Variants in TOMM20 observed in about 807,000 individuals in gnomAD.
The protein encoded by TOMM20 is mitochondrial import receptor subunit TOM20 homolog.
TOMM20 carries 10 observed loss-of-function variants against 22.1 expected under a neutral mutation model. That is an observed-to-expected ratio of 0.45 (90% CI 0.28 to 0.77). The LOEUF (loss-of-function observed/expected upper bound fraction) is 0.77. Among genes scored for constraint, TOMM20 ranks in the 30% least tolerant of loss-of-function variants. TOMM20 has a pLI of 0.13. For synonymous variants in TOMM20, 55 were observed against 61.4 expected (o/e 0.90, Z 0.49); for missense variants, 121 against 172.2 (o/e 0.70, Z 1.66).
chr1:235,125,371 T>G (rs1017178031), intron 1 of TOMM20, among the ~76,000 whole-genome samples: 25 of 152,108 alleles, frequency 1.6e-4, no homozygotes, highest in African/African-American at 5.8e-4. Flanking sequence ...CCCGCCACCA[T>G]GCCCGGCTAA....
At position 235,128,578 on chromosome 1, in the gene TOMM20, A is replaced by G; in HGVS notation, c.121+17T>C. On this transcript the variant is annotated intron_variant, in intron 1 of 4. Transcript: ENST00000366607. ...CGAAGGCAGCAAGCCTGGCCAGGGG[A>G]GAGAGGACCCACTCACGTTCTCGAA... 1 of 1,611,860 alleles carries G rather than the reference A, an allele frequency of 6.2e-7. No homozygotes were observed. The highest frequency in any genetic ancestry group is 8.5e-7 in the Non-Finnish European group (1 of 1,179,790).
intron 4 of TOMM20, 137 bp downstream of exon 4, chr1:235,113,631 C>A (rs926348214): frequency 8.9e-7 from 1 of 1,117,856 alleles, no homozygotes; most frequent in Non-Finnish European, 1.2e-6. Context: ...AAATGTCAAG[C>A]GCTGATATCT....
At chr1:235,122,297 T>C (rs757391279) in intron 2 of TOMM20, 29 bp downstream of exon 2, 15 of 1,465,230 alleles carry the variant, frequency 1.0e-5, no homozygotes, top group South Asian at 7.8e-5. Context: ...CTACAAAATA[T>C]ATAATTTAAA....
intron 1 of TOMM20, among the ~76,000 whole-genome samples, chr1:235,126,657 G>A (rs1661027787): frequency 6.6e-6 from 1 of 151,798 alleles, no homozygotes; most frequent in Non-Finnish European, 1.5e-5. Flanking sequence ...ACAAAAATTA[G>A]CCTGGCATGG....
chr1:235,117,059 A>T (rs1162921295), intron 3 of TOMM20, among the ~76,000 whole-genome samples: 1 of 137,574 alleles, frequency 7.3e-6, no homozygotes, highest in Non-Finnish European at 1.5e-5. Flanking sequence ...GACATGAACC[A>T]GGGAGGCAGA....
chr1:235,121,901 T>C (rs1019826583), intron 2 of TOMM20, among the ~76,000 whole-genome samples: 1 of 152,202 alleles, frequency 6.6e-6, no homozygotes, highest in Admixed American at 6.5e-5. Context: ...AGTGGGATTC[T>C]GGATCAGTGG....
intron 3 of TOMM20, among the ~76,000 whole-genome samples, chr1:235,117,889 T>TAG (rs760078103): frequency 1.3e-5 from 2 of 152,192 alleles, no homozygotes; most frequent in Admixed American, 1.3e-4. Context: ...TCCAATTGTG[T>TAG]AGGTCATTGT....
chr1:235,124,117 C>T (rs551849300), intron 1 of TOMM20, among the ~76,000 whole-genome samples: 6 of 152,220 alleles, frequency 3.9e-5, no homozygotes, highest in Admixed American at 6.5e-5. Context: ...GAGGCCAAGG[C>T]GGGCGGATCA....
chr1:235,117,099 C>T (rs1013765952), intron 3 of TOMM20, among the ~76,000 whole-genome samples: 1 of 128,890 alleles, frequency 7.8e-6, no homozygotes, highest in African/African-American at 3.0e-5. Flanking sequence ...CGCGCCACTG[C>T]ACTCCAGCCT....
intron 1 of TOMM20, chr1:235,127,981 G>A (rs764972853): frequency 1.8e-5 from 9 of 490,754 alleles, no homozygotes; most frequent in Middle Eastern, 7.5e-4. Flanking sequence ...TTCGAGACTA[G>A]CCTGACCAAC....
Position 235,128,628 on chromosome 1 carries a change from T to G in TOMM20, c.88A>C (p.Ser30Arg). 6.2e-7 allele frequency: 1 copy of G among 1,613,498 alleles called. No individual in the cohort carries two copies. The highest frequency in any genetic ancestry group is 1.1e-5 in the South Asian group (1 of 91,056). ...YCIYFDRKRRSDPNFKNRLRE... is the reference protein window; with the variant it reads ...YCIYFDRKRRRDPNFKNRLRE... ...AGCCTGTTCTTGAAGTTGGGGTCAC[T>G]TCGTCTTTTGCGGTCGAAGTAGATG... is the stretch of plus-strand genomic sequence containing the variant. The change falls in exon 1 of 5, where the codon AGT (serine) becomes CGT (arginine). Residue 30 changes from serine (S) to arginine (R), a missense_variant. By Grantham distance (110) the Ser-to-Arg change is moderately radical. Coordinates refer to ENST00000366607, the MANE Select transcript of TOMM20 (RefSeq NM_014765.3).
At chr1:235,120,539 A>G (rs572912754) in intron 2 of TOMM20, among the ~76,000 whole-genome samples, 1 of 151,748 alleles carries the variant, frequency 6.6e-6, no homozygotes, top group East Asian at 2.0e-4. Flanking sequence ...TGCTAGGATT[A>G]CAGGTATGAG....
At chr1:235,116,165 G>C (rs1012795098) in intron 3 of TOMM20, among the ~76,000 whole-genome samples, 1 of 152,154 alleles carries the variant, frequency 6.6e-6, no homozygotes, top group Non-Finnish European at 1.5e-5. Context: ...CCAGCACTTA[G>C]GGAGGCCGAG....
intron 1 of TOMM20, among the ~76,000 whole-genome samples, chr1:235,128,387 C>G (rs140572710): frequency 1.7e-3 from 263 of 152,324 alleles, no homozygotes; most frequent in African/African-American, 5.4e-3. Context: ...CTGGGGAAAA[C>G]AAAACGGGAA....
At chr1:235,125,543 A>C (rs141718904) in intron 1 of TOMM20, among the ~76,000 whole-genome samples, 1 of 152,210 alleles carries the variant, frequency 6.6e-6, no homozygotes, top group African/African-American at 2.4e-5. Flanking sequence ...AACAAAAAAG[A>C]AAGCCAATGA....
chr1:235,124,245 G>A (rs1660976988), intron 1 of TOMM20, among the ~76,000 whole-genome samples: 1 of 152,244 alleles, frequency 6.6e-6, no homozygotes, highest in African/African-American at 2.4e-5. Context: ...TACTCGAGAG[G>A]CTGTAGCAAG....
chr1:235,128,329 C>A (rs1661068409), intron 1 of TOMM20, among the ~76,000 whole-genome samples: 1 of 152,236 alleles, frequency 6.6e-6, no homozygotes, highest in African/African-American at 2.4e-5. Flanking sequence ...GCCACACACA[C>A]CCGAGATTGC....
chr1:235,116,901 C>A (rs974540668), intron 3 of TOMM20, among the ~76,000 whole-genome samples: 1 of 151,858 alleles, frequency 6.6e-6, no homozygotes, highest in Non-Finnish European at 1.5e-5. Context: ...TTTGGGAGGC[C>A]AAGGCGGGCG....
intron 3 of TOMM20, among the ~76,000 whole-genome samples, chr1:235,116,636 G>A (rs759530275): frequency 5.9e-5 from 9 of 151,406 alleles, no homozygotes; most frequent in South Asian, 2.1e-4. Context: ...GCTTGAACCC[G>A]GGAGGTGGAA....
Sources: gnomAD v4.1 joint callset for allele counts (sites outside exome capture counted in the v4.1 genomes callset) on GRCh38, gnomAD v4.1.1 for gene constraint, MANE v1.5 for transcripts, NCBI Gene and HGNC (gene_info 2026-07-23, HGNC 2026-07-21) for gene names.